Variants in FAM110B observed in about 807,000 individuals in gnomAD.
FAM110B encodes protein FAM110B.
FAM110B carries 6 observed loss-of-function variants against 20.4 expected under a neutral mutation model. That is an observed-to-expected ratio of 0.29 (90% confidence interval 0.16 to 0.58). The LOEUF is 0.58. Among genes scored for constraint, FAM110B ranks in the 20% least tolerant of loss-of-function variants. The pLI, the probability that FAM110B is intolerant of heterozygous loss-of-function variation, is 0.90. For missense variants in FAM110B, 434 were observed against 498.2 expected, an observed-to-expected ratio of 0.87 and a Z score of 1.23; for synonymous variants, 226 against 214.1, an observed-to-expected ratio of 1.06 and a Z score of -0.49.
intron 2 of FAM110B, among the ~76,000 whole-genome samples, chr8:58,039,431 C>T (rs1352681247): frequency 6.6e-6 from 1 of 152,214 alleles, no homozygotes; most frequent in Non-Finnish European, 1.5e-5. Context: ...TCTCCAGCTT[C>T]ACTTTCTTAC....
At chr8:58,093,504 G>T (rs1806539602) in intron 3 of FAM110B, among the ~76,000 whole-genome samples, 1 of 152,068 alleles carries the variant, frequency 6.6e-6, no homozygotes. Context: ...ATTAAATGGG[G>T]AATATTTCTC....
intron 3 of FAM110B, among the ~76,000 whole-genome samples, chr8:58,105,491 C>T (rs1806883259): frequency 6.6e-6 from 1 of 151,388 alleles, no homozygotes; most frequent in Non-Finnish European, 1.5e-5. Flanking sequence ...CATGATCACA[C>T]CACTACACTC....
chr8:58,077,177 G>A (rs1355376255), intron 3 of FAM110B: 1 of 152,224 alleles, frequency 6.6e-6, no homozygotes, highest in Non-Finnish European at 1.5e-5. Flanking sequence ...GCTGGAAGGA[G>A]GTTTGCATCT....
chr8:58,146,130 C>A lies in FAM110B; in HGVS notation c.-101C>A. Reference sequence around the variant, plus strand: ...GCTGCTGACACTCGCTCCCAGGCTGCACCCGCCGCCCTTGGCGCTTCATGT... The same window carrying A: ...GCTGCTGACACTCGCTCCCAGGCTGAACCCGCCGCCCTTGGCGCTTCATGT... On this transcript the variant is annotated 5_prime_UTR_variant, in exon 4 of 4. Transcript: ENST00000519262. 7.1e-7 allele frequency: 1 copy of A among 1,404,030 alleles called. No homozygotes were observed. Among genetic ancestry groups the A allele is most frequent in the Non-Finnish European group, 9.5e-7 (1 of 1,049,476 alleles). The allele number at this position is 1,404,030 out of a possible 1,614,324, so 87.0% of individuals were successfully genotyped here.
In FAM110B at chr8:58,024,172, CT is replaced by C. The variant is rs10651271; in HGVS notation, c.-511-7419del. ...TAAATTTAATGAAACTTTCACTGTGCTTTTTTTTTTTTTTTGTAAAACCCAG... is the reference window on the plus strand; with the variant it reads ...TAAATTTAATGAAACTTTCACTGTGCTTTTTTTTTTTTTTGTAAAACCCAG... On this transcript the variant is annotated intron_variant, in intron 1 of 3. Coordinates refer to ENST00000519262, the MANE Select transcript of FAM110B (RefSeq NM_001377989.1). Among the ~76,000 whole-genome samples, 717 of 129,422 alleles carry C rather than the reference CT, an allele frequency of 5.5e-3. 6 individuals are homozygous for C. The highest frequency in any genetic ancestry group is 0.013 in the African/African-American group (448 of 35,018). The allele number at this position is 129,422 out of a possible 152,430, so 84.9% of individuals were successfully genotyped here.
At chr8:58,127,457 T>G (rs985706029) in intron 3 of FAM110B, among the ~76,000 whole-genome samples, 8 of 152,012 alleles carry the variant, frequency 5.3e-5, no homozygotes, top group African/African-American at 1.5e-4. Context: ...TTGCTTGACC[T>G]TCTCCCTCAT....
At chr8:58,008,236 G>A (rs189518275) in intron 1 of FAM110B, among the ~76,000 whole-genome samples, 5 of 150,254 alleles carry the variant, frequency 3.3e-5, no homozygotes, top group East Asian at 2.0e-4. Context: ...GGGTTCAAGC[G>A]ATTCTCCTGC....
At chr8:58,095,728 GGA>G (rs1302233418) in intron 3 of FAM110B, among the ~76,000 whole-genome samples, 4 of 152,180 alleles carry the variant, frequency 2.6e-5, no homozygotes, top group Admixed American at 6.5e-5. Flanking sequence ...GATTTGGGGT[GGA>G]GAGTTCTGTA....
chr8:57,995,218 C>T (rs1363065999), intron 1 of FAM110B, among the ~76,000 whole-genome samples: 2 of 152,254 alleles, frequency 1.3e-5, no homozygotes, highest in South Asian at 4.2e-4. Flanking sequence ...CCGGTTGCTG[C>T]TGGAGGAGTG....
intron 3 of FAM110B, among the ~76,000 whole-genome samples, chr8:58,130,743 C>A (rs1448271229): frequency 6.6e-6 from 1 of 152,024 alleles, no homozygotes. Flanking sequence ...CTCCTAGGAT[C>A]TGATTCCCTG....
intron 2 of FAM110B, among the ~76,000 whole-genome samples, chr8:58,049,866 C>A (rs1237266740): frequency 2.0e-5 from 3 of 152,154 alleles, no homozygotes; most frequent in Admixed American, 2.0e-4. Context: ...CTACTGATGG[C>A]ATATTTTTAT....
At chr8:58,101,327 A>G (rs185227522) in intron 3 of FAM110B, among the ~76,000 whole-genome samples, 30 of 152,354 alleles carry the variant, frequency 2.0e-4, no homozygotes, top group African/African-American at 6.7e-4. Context: ...TAATAAATGA[A>G]GTCTTGACCA....
intron 2 of FAM110B, among the ~76,000 whole-genome samples, chr8:58,057,611 A>G (rs1805573414): frequency 6.6e-6 from 1 of 152,156 alleles, no homozygotes; most frequent in African/African-American, 2.4e-5. Flanking sequence ...GCCCCTAGGA[A>G]AGCCATGCAG....
intron 3 of FAM110B, among the ~76,000 whole-genome samples, chr8:58,105,594 A>T (rs1806889856): frequency 1.9e-5 from 2 of 106,946 alleles, no homozygotes; most frequent in African/African-American, 3.7e-5. Context: ...TTTGTGACAG[A>T]GTCTGGCTCT....
At chr8:58,127,162 C>T (rs1807528906) in intron 3 of FAM110B, among the ~76,000 whole-genome samples, 2 of 152,114 alleles carry the variant, frequency 1.3e-5, no homozygotes. Context: ...AAGTCCAGTC[C>T]TTTTTCTTTG....
At chr8:58,002,391 CTCTAA>C (rs1186617567) in intron 1 of FAM110B, among the ~76,000 whole-genome samples, 257 of 152,360 alleles carry the variant, frequency 1.7e-3, no homozygotes, top group African/African-American at 6.1e-3. Context: ...GGTACCACTT[CTCTAA>C]GTCCTGCTTC....
At chr8:58,003,412 G>T (rs988351348) in intron 1 of FAM110B, among the ~76,000 whole-genome samples, 2 of 152,148 alleles carry the variant, frequency 1.3e-5, no homozygotes, top group African/African-American at 2.4e-5. Context: ...GTTCTTAATG[G>T]TATTTAGAAT....
At chr8:58,033,861 C>G (rs902985451) in intron 2 of FAM110B, among the ~76,000 whole-genome samples, 15 of 152,136 alleles carry the variant, frequency 9.9e-5, no homozygotes, top group African/African-American at 2.7e-4. Flanking sequence ...CGTCTCTTAC[C>G]CTGGCTTCCT....
intron 3 of FAM110B, among the ~76,000 whole-genome samples, chr8:58,095,085 C>T (rs999270647): frequency 9.2e-5 from 14 of 152,040 alleles, no homozygotes; most frequent in South Asian, 6.2e-4. Context: ...TTTGTGGGAT[C>T]GGTGGTGATA....
Sources: allele counts gnomAD v4.1 joint callset (sites outside exome capture counted in the v4.1 genomes callset), GRCh38; gene constraint gnomAD v4.1.1; transcripts MANE v1.5; gene names NCBI Gene and HGNC (gene_info 2026-07-23, HGNC 2026-07-21).